The following CRNKL1 variants were observed in gnomAD, a reference collection of about 807,000 sequenced individuals.
CRNKL1 encodes the protein crooked neck pre-mRNA splicing factor 1.
A neutral mutation model predicts 103.7 loss-of-function variants in CRNKL1; 35 were observed. That is an observed-to-expected ratio of 0.34 (90% CI 0.26 to 0.45). CRNKL1 has a LOEUF of 0.45. CRNKL1 is among the 20% of genes least tolerant of loss of function. CRNKL1 has a pLI of 1.00. For synonymous variants in CRNKL1, 267 were observed against 282.6 expected (o/e 0.94, Z 0.55); for missense variants, 645 against 836.0 (o/e 0.77, Z 2.82).
chr20:20,049,822 C>CTT (rs548948697), intron 2 of CRNKL1, among the ~76,000 whole-genome samples: 3 of 144,740 alleles, frequency 2.1e-5, no homozygotes, highest in Admixed American at 1.4e-4. Flanking sequence ...TTCTTTCTTT[C>CTT]TTTTTTTTTT....
upstream of CRNKL1, among the ~76,000 whole-genome samples, chr20:20,054,410 T>TACACACAC (rs1246613690): frequency 2.6e-3 from 348 of 132,734 alleles, 1 homozygote; most frequent in African/African-American, 9.4e-3. Flanking sequence ...TATATATATA[T>TACACACAC]ATATACACAC....
rs1172905733 is a variant in CRNKL1, at chr20:20,052,373, C to T, written c.-31G>A. The T allele has an allele frequency of 1.9e-6, 3 of 1,613,944 alleles. No homozygotes were observed. The highest frequency in any genetic ancestry group is 2.5e-6 in the Non-Finnish European group (3 of 1,179,830). On this transcript the variant is annotated 5_prime_UTR_variant, in exon 1 of 14. Coordinates refer to ENST00000536226, the MANE Select transcript of CRNKL1 (RefSeq NM_001278628.2). ...CAGCAGTCGACCTCTGGACACCTGT[C>T]CCCGGCACGGACGCTAGAAATCGGC...
Position 20,040,757 on chromosome 20 carries a change from C to T in CRNKL1, c.1234G>A (p.Ala412Thr). 6.2e-7 allele frequency: 1 copy of T among 1,606,794 alleles called. No individual in the cohort carries two copies. Among genetic ancestry groups the T allele is most frequent in the Non-Finnish European group, 8.5e-7 (1 of 1,177,108 alleles). ...TGTGCATACAGTATCCACATTTTGGCAAATGTGAACTAGAAAACAAAAGCA... is the reference window on the plus strand; with the variant it reads ...TGTGCATACAGTATCCACATTTTGGTAAATGTGAACTAGAAAACAAAAGCA... ...ELIPHKKFTF[A>T]KMWILYAQFE... Residue 412 changes from alanine (A) to threonine (T), a missense_variant, in exon 10 of 14, where the codon GCC (alanine) becomes ACC (threonine). This residue lies in a region of CRNKL1 where 582 missense variants were observed against 707.7 expected (regional missense o/e 0.82). Transcript: ENST00000536226.
Position 20,052,420 on chromosome 20 carries a change from C to T in CRNKL1, c.-78G>A. 1 of 1,614,228 alleles carries T rather than the reference C, an allele frequency of 6.2e-7. No homozygotes were observed. The highest frequency in any genetic ancestry group is 8.5e-7 in the Non-Finnish European group (1 of 1,180,044). On this transcript the variant is annotated 5_prime_UTR_variant, in exon 1 of 14. In the 5' UTR this introduces an upstream ATG that the reference lacks. Transcript: ENST00000536226. The stretch of plus-strand genomic sequence containing the variant: ...CGGCTCTGAGAGCTCACCGAAACCA[C>T]AAAGCTTTCAGAAAACAAACAGGAT...
Position 20,048,513 on chromosome 20 carries a change from A to C in CRNKL1, c.297-12T>G. The stretch of plus-strand genomic sequence containing the variant: ...ATATGGATCGAGCCCTTAAGAAGCA[A>C]GATTTGCAGGGCATCAAAAATAGAG... On this transcript the variant is annotated splice_polypyrimidine_tract_variant and intron_variant, in intron 3 of 13. Coordinates refer to ENST00000536226, the MANE Select transcript of CRNKL1 (RefSeq NM_001278628.2). 6.2e-7 allele frequency: 1 copy of C among 1,613,250 alleles called. No homozygotes were observed. The highest frequency in any genetic ancestry group is 2.2e-5 in the East Asian group (1 of 44,854).
At chr20:20,040,855 T>C in intron 9 of CRNKL1, 89 bp from the exon 10 acceptor site, 2 of 893,830 alleles carry the variant, frequency 2.2e-6, no homozygotes, top group East Asian at 5.2e-5. Context: ...CCAAAGCCAT[T>C]GGTAATTCGA....
rs761483077 is a variant in CRNKL1, at chr20:20,036,196, C to G, written c.2063G>C (p.Ter688SerextTer34). ...PDEDVDESES[*>S] ...AAACATTTGTCTATGAAAAAAAGAT[C>G]AGGATTCACTCTCATCGACGTCCTC... is the stretch of plus-strand genomic sequence containing the variant. Residue 688 changes from the stop codon to serine, a stop_lost, in exon 14 of 14, where the codon TGA becomes TCA. Transcript: ENST00000536226. 4.3e-6 allele frequency: 7 copies of G among 1,609,414 alleles called. No individual in the cohort carries two copies. Among genetic ancestry groups the G allele is most frequent in the Non-Finnish European group, 5.1e-6 (6 of 1,178,092 alleles).
upstream of CRNKL1, among the ~76,000 whole-genome samples, chr20:20,055,567 T>A (rs998244293): frequency 6.6e-6 from 1 of 152,226 alleles, no homozygotes; most frequent in African/African-American, 2.4e-5. Flanking sequence ...TTGGAGAATT[T>A]CCCTCGCTCG....
rs761785316 is a variant in CRNKL1, at chr20:20,039,874, T to G, written c.1306-26A>C. 11 of 1,609,548 alleles carry G rather than the reference T, an allele frequency of 6.8e-6. No individual in the cohort carries two copies. The Admixed American group carries it at 1.8e-4, about 27-fold the overall frequency. ...CTGGAAAATAAAATAACCAGACCAC[T>G]GTGATACTGTAGTGGATTTAATCTG... is the stretch of plus-strand genomic sequence containing the variant. On this transcript the variant is annotated intron_variant, in intron 10 of 13. Transcript: ENST00000536226.
chr20:20,039,379 A>C (rs1224573989), intron 11 of CRNKL1, among the ~76,000 whole-genome samples: 1 of 152,084 alleles, frequency 6.6e-6, no homozygotes, highest in Non-Finnish European at 1.5e-5. Flanking sequence ...ATGATATCCC[A>C]GTTCATCCTG....
rs1555819362 is a variant in CRNKL1 at position 20,034,517 on chromosome 20, C to G, written c.*1678G>C. 11 of 151,090 alleles carry G rather than the reference C, an allele frequency of 7.3e-5. No homozygotes were observed. Among genetic ancestry groups the G allele is most frequent in the Admixed American group, 1.3e-4 (2 of 15,102 alleles). 9.4% of individuals were successfully genotyped at this position (151,090 alleles called of 1,614,324 possible). A position where few individuals can be genotyped will look rare whatever the true frequency, so the allele number is the denominator to read the frequency against. On this transcript the variant is annotated 3_prime_UTR_variant, in exon 14 of 14. Transcript: ENST00000536226. ...TTACAATTCTACCTTGGGAACATGA[C>G]AGAATTTTTTTCTTATGCATTCATG...
chr20:20,053,084 T>C (rs139714431), upstream of CRNKL1, among the ~76,000 whole-genome samples: 337 of 152,324 alleles, frequency 2.2e-3, no homozygotes, highest in African/African-American at 7.7e-3. Flanking sequence ...TTAATTACTC[T>C]AGTTAAATTT....
chr20:20,052,431 G>A lies in CRNKL1; in HGVS notation c.-89C>T, dbSNP rs144315980. On this transcript the variant is annotated 5_prime_UTR_variant, in exon 1 of 14. Transcript: ENST00000536226. ...GCTCACCGAAACCACAAAGCTTTCAGAAAACAAACAGGATCTCGGAACCGG... is the reference window on the plus strand; with the variant it reads ...GCTCACCGAAACCACAAAGCTTTCAAAAAACAAACAGGATCTCGGAACCGG... 2.5e-6 allele frequency: 4 copies of A among 1,614,106 alleles called. No individual in the cohort carries two copies. The highest frequency in any genetic ancestry group is 4.5e-5 in the East Asian group (2 of 44,888).
At chr20:20,052,049 T>C (rs538944642) in intron 1 of CRNKL1, among the ~76,000 whole-genome samples, 9 of 152,102 alleles carry the variant, frequency 5.9e-5, no homozygotes, top group Non-Finnish European at 8.8e-5. Context: ...GCTCAGTAAA[T>C]CTTCACCGAA....
intron 5 of CRNKL1, among the ~76,000 whole-genome samples, chr20:20,046,493 G>A (rs2043596186): frequency 1.3e-5 from 2 of 152,204 alleles, no homozygotes; most frequent in Admixed American, 1.3e-4. Flanking sequence ...TGGTAGTTAT[G>A]TTCTATTTAG....
Position 20,052,465 on chromosome 20 carries a change from C to T in CRNKL1, c.-123G>A. ...CAGGATCTCGGAACCGGAAGCGGAA[C>T]TTGCAGGACTGACCTTTGACCTCTC... On this transcript the variant is annotated 5_prime_UTR_variant, in exon 1 of 14. Coordinates refer to ENST00000536226, the MANE Select transcript of CRNKL1 (RefSeq NM_001278628.2). 6.2e-7 allele frequency: 1 copy of T among 1,614,252 alleles called. No individual in the cohort carries two copies. The highest frequency in any genetic ancestry group is 2.2e-5 in the East Asian group (1 of 44,884).
chr20:20,048,453 A>G lies in CRNKL1; in HGVS notation c.345T>C (p.Ile115=). 6.2e-7 allele frequency: 1 copy of G among 1,614,182 alleles called. No individual in the cohort carries two copies. The stretch of plus-strand genomic sequence containing the variant: ...TTTCTGCGTATTTCAGCCAGAGTGT[A>G]ATATTTCGGTAGTCTACATCTAAAG... The part of the protein sequence containing the change: ...ERALDVDYRN[I]TLWLKYAEME... Residue 115 remains isoleucine, a synonymous_variant, in exon 4 of 14, where the codon ATT becomes ATC. Transcript: ENST00000536226.
chr20:20,055,450 C>T (rs541169685), upstream of CRNKL1, among the ~76,000 whole-genome samples: 1 of 152,270 alleles, frequency 6.6e-6, no homozygotes, highest in African/African-American at 2.4e-5. Context: ...GGGGCCCATC[C>T]AAAGTCCCAG....
intron 13 of CRNKL1, 59 bp downstream of exon 13, chr20:20,037,264 G>C: frequency 6.4e-7 from 1 of 1,565,776 alleles, no homozygotes; most frequent in Non-Finnish European, 8.6e-7. Context: ...ACATTTCGAC[G>C]TCAGAAGTGT....
Sources: allele counts gnomAD v4.1 joint callset (sites outside exome capture counted in the v4.1 genomes callset), GRCh38; gene constraint gnomAD v4.1.1; regional missense constraint gnomAD v4.1.1; transcripts MANE v1.5; gene names NCBI Gene and HGNC (gene_info 2026-07-23, HGNC 2026-07-21).